Variants in TMPRSS11A observed in about 807,000 individuals in gnomAD.
TMPRSS11A encodes the protein transmembrane protease serine 11A.
TMPRSS11A carries 53 observed loss-of-function variants against 58.9 expected under a neutral mutation model. The ratio of observed to expected loss-of-function variants is 0.90; its 90% CI spans 0.72 to 1.13. The LOEUF is 1.13. Ranked by LOEUF, TMPRSS11A falls within the 50% of genes most tolerant of loss-of-function variation. TMPRSS11A has a pLI of 0.00. For missense variants in TMPRSS11A, 493 were observed against 499.3 expected (o/e 0.99, Z 0.12); for synonymous variants, 167 against 169.8 (o/e 0.98, Z 0.13).
At chr4:67,947,154 C>G (rs1721036790) in intron 1 of TMPRSS11A, among the ~76,000 whole-genome samples, 1 of 151,754 alleles carries the variant, frequency 6.6e-6, no homozygotes, top group South Asian at 2.1e-4. Context: ...GACTTTTTAC[C>G]AAATCATTAT....
chr4:67,941,863 CA>C (rs142487824), intron 3 of TMPRSS11A, among the ~76,000 whole-genome samples: 2,683 of 152,034 alleles, frequency 0.018, 83 homozygotes, highest in African/African-American at 0.061. Flanking sequence ...AATCATAAGG[CA>C]AAACAGTGAA....
At chr4:67,960,240 C>A (rs921090097) in intron 1 of TMPRSS11A, among the ~76,000 whole-genome samples, 3 of 152,068 alleles carry the variant, frequency 2.0e-5, no homozygotes, top group African/African-American at 7.2e-5. Context: ...TGCAATATAT[C>A]TATGTAACAA....
At position 67,914,587 on chromosome 4, in the gene TMPRSS11A, C is replaced by G; in HGVS notation, c.1095+1G>C. 6.2e-7 allele frequency: 1 copy of G among 1,613,298 alleles called. No individual in the cohort carries two copies. The highest frequency in any genetic ancestry group is 8.5e-7 in the Non-Finnish European group (1 of 1,179,594). On this transcript the variant is annotated splice_donor_variant, in intron 9 of 9. Transcript: ENST00000508048. LOFTEE classifies it high-confidence loss of function. Reference sequence around the variant, plus strand: ...AATATAAAAAAATCCCTCCAACTTACCCTGCAGGCATCATAAATTCCTTCC... The same window carrying G: ...AATATAAAAAAATCCCTCCAACTTAGCCTGCAGGCATCATAAATTCCTTCC...
intron 9 of TMPRSS11A, among the ~76,000 whole-genome samples, chr4:67,913,027 C>T (rs2109730912): frequency 6.6e-6 from 1 of 152,106 alleles, no homozygotes; most frequent in East Asian, 1.9e-4. Context: ...TGAGAGATTT[C>T]CTTGATTTTA....
chr4:67,955,993 C>T (rs1482206919), intron 1 of TMPRSS11A, among the ~76,000 whole-genome samples: 1 of 152,172 alleles, frequency 6.6e-6, no homozygotes, highest in East Asian at 1.9e-4. Flanking sequence ...CTTTTAGGGT[C>T]AGTAGACTTT....
intron 7 of TMPRSS11A, among the ~76,000 whole-genome samples, chr4:67,920,965 AATG>A (rs1720309652): frequency 6.6e-6 from 1 of 152,168 alleles, no homozygotes; most frequent in Admixed American, 6.5e-5. Context: ...AGCTCACAGT[AATG>A]ATATTTATTT....
rs549517535 is a variant in TMPRSS11A at position 67,915,233 on chromosome 4, G to A, written c.953-503C>T. 4.6e-4 allele frequency among the ~76,000 whole-genome samples: 70 copies of A among 152,072 alleles called. 1 individual carries two copies. The Middle Eastern group carries it at 0.017, about 37-fold the overall frequency. On this transcript the variant is annotated intron_variant, in intron 8 of 9. Transcript: ENST00000508048. Reference sequence around the variant, plus strand: ...CATATATATATAAATGCATTAAACGGCAATGATTTCACTTCCAATGTATTA... The same window carrying A: ...CATATATATATAAATGCATTAAACGACAATGATTTCACTTCCAATGTATTA...
Position 67,942,039 on chromosome 4 carries a change from G to A in TMPRSS11A, c.252+2480C>T, listed in dbSNP as rs146148126. ...CAATACAAATAAGGTGAAAAAGCAA[G>A]TTTAACAGAAAAATAGGCAAATAAT... is the stretch of plus-strand genomic sequence containing the variant. On this transcript the variant is annotated intron_variant, in intron 3 of 9. Coordinates refer to ENST00000508048, the MANE Select transcript of TMPRSS11A (RefSeq NM_001114387.2). 3.7e-3 allele frequency among the ~76,000 whole-genome samples: 568 copies of A among 152,196 alleles called. 2 individuals are homozygous for A. Among genetic ancestry groups the A allele is most frequent in the Non-Finnish European group, 6.9e-3 (468 of 67,992 alleles).
intron 1 of TMPRSS11A, among the ~76,000 whole-genome samples, chr4:67,952,247 A>G (rs1475329324): frequency 6.6e-6 from 1 of 152,244 alleles, no homozygotes; most frequent in African/African-American, 2.4e-5. Context: ...TGCAGCCAGT[A>G]CGCAGAGTTA....
chr4:67,938,122 G>A (rs1720796249), intron 3 of TMPRSS11A, among the ~76,000 whole-genome samples: 1 of 152,124 alleles, frequency 6.6e-6, no homozygotes, highest in African/African-American at 2.4e-5. Flanking sequence ...TTATCTCACT[G>A]TAGTTTTGAT....
chr4:67,914,174 TA>T (rs1206960468), intron 9 of TMPRSS11A, among the ~76,000 whole-genome samples: 14 of 152,270 alleles, frequency 9.2e-5, no homozygotes, highest in African/African-American at 3.4e-4. Flanking sequence ...GGATGTTATT[TA>T]TTCTTCAGGC....
chr4:67,914,045 A>G (rs1720076628), intron 9 of TMPRSS11A, among the ~76,000 whole-genome samples: 1 of 152,198 alleles, frequency 6.6e-6, no homozygotes, highest in Non-Finnish European at 1.5e-5. Context: ...CATCCTCCTC[A>G]TGCTGAGACC....
At chr4:67,932,158 A>T in intron 3 of TMPRSS11A, 98 bp from the exon 4 acceptor site, 1 of 622,122 alleles carries the variant, frequency 1.6e-6, no homozygotes, top group Non-Finnish European at 2.8e-6. Flanking sequence ...ATTTTTTCAC[A>T]GAACTAACAT....
At position 67,911,296 on chromosome 4, in the gene TMPRSS11A, A is replaced by C. The variant is rs749597665; in HGVS notation, c.*46T>G. ...CCACTAAATAGTTGAATTCTCATGC[A>C]TATATGACCTGCATACAGCTTTCTT... On this transcript the variant is annotated 3_prime_UTR_variant, in exon 10 of 10. Coordinates refer to ENST00000508048, the MANE Select transcript of TMPRSS11A (RefSeq NM_001114387.2). The C allele has an allele frequency of 2.2e-5, 34 of 1,572,824 alleles. No individual in the cohort carries two copies. The highest frequency in any genetic ancestry group is 3.0e-5 in the Non-Finnish European group (34 of 1,150,138).
chr4:67,945,292 A>C (rs1720973685), intron 2 of TMPRSS11A, among the ~76,000 whole-genome samples: 1 of 152,184 alleles, frequency 6.6e-6, no homozygotes, highest in Non-Finnish European at 1.5e-5. Context: ...AGAGGGAGTA[A>C]GAAAGATACA....
intron 4 of TMPRSS11A, among the ~76,000 whole-genome samples, chr4:67,931,347 T>A (rs903928727): frequency 6.6e-6 from 1 of 152,184 alleles, no homozygotes; most frequent in Non-Finnish European, 1.5e-5. Context: ...TATATTATTT[T>A]TCTTTATCTT....
intron 3 of TMPRSS11A, among the ~76,000 whole-genome samples, chr4:67,941,099 G>A (rs1373177250): frequency 5.9e-5 from 9 of 152,038 alleles, no homozygotes; most frequent in Non-Finnish European, 4.4e-5. Context: ...GAACAGGGGC[G>A]GATTATAGCA....
chr4:67,943,109 T>G (rs1720918493), intron 3 of TMPRSS11A, among the ~76,000 whole-genome samples: 1 of 152,166 alleles, frequency 6.6e-6, no homozygotes, highest in African/African-American at 2.4e-5. Flanking sequence ...AGAAGGGCCT[T>G]GCAGGTACCC....
chr4:67,914,473 C>A (rs1720091555), intron 9 of TMPRSS11A, 115 bp downstream of exon 9: 2 of 962,126 alleles, frequency 2.1e-6, no homozygotes, highest in Non-Finnish European at 3.1e-6. Context: ...GCATTTGTAA[C>A]TTTTTTGAGC....
Sources: gnomAD v4.1 joint callset for allele counts (sites outside exome capture counted in the v4.1 genomes callset) on GRCh38, gnomAD v4.1.1 for gene constraint, MANE v1.5 for transcripts, NCBI Gene and HGNC (gene_info 2026-07-23, HGNC 2026-07-21) for gene names.